TGFBRAP1: variants seen among roughly 807,000 people sequenced by gnomAD.
TGFBRAP1 encodes transforming growth factor-beta receptor-associated protein 1.
TGFBRAP1 carries 20 observed loss-of-function variants against 83.2 expected under a neutral mutation model. That is an observed-to-expected ratio of 0.24 (90% CI 0.17 to 0.35). TGFBRAP1 has a LOEUF of 0.35. Ranked by LOEUF, TGFBRAP1 falls within the 10% of genes least tolerant of loss-of-function variation. The pLI is 1.00. For synonymous variants in TGFBRAP1, 415 were observed against 459.8 expected, an observed-to-expected ratio of 0.90 and a Z score of 1.25; for missense variants, 950 against 1,099.4, an observed-to-expected ratio of 0.86 and a Z score of 1.92.
intron 1 of TGFBRAP1, among the ~76,000 whole-genome samples, chr2:105,308,665 A>G (rs892327373): frequency 1.3e-5 from 2 of 152,134 alleles, no homozygotes; most frequent in Non-Finnish European, 2.9e-5. Flanking sequence ...GCATGCATTC[A>G]CCCACGGGCA....
chr2:105,316,527 C>A (rs1678883910), intron 1 of TGFBRAP1, among the ~76,000 whole-genome samples: 1 of 150,116 alleles, frequency 6.7e-6, no homozygotes. Context: ...ACATGGCAGA[C>A]TGGGAGCAGT....
chr2:105,284,406 G>A lies in TGFBRAP1; in HGVS notation c.1039-8C>T, dbSNP rs770070625. ...AATCCTTCTGTACATTACCTGCAAG[G>A]AAAGACGGGTGTAATCTCTTAGTGA... On this transcript the variant is annotated splice_region_variant and splice_polypyrimidine_tract_variant and intron_variant, in intron 4 of 11. Coordinates refer to ENST00000393359, the MANE Select transcript of TGFBRAP1 (RefSeq NM_004257.6). 7.4e-6 allele frequency: 12 copies of A among 1,613,506 alleles called. No individual in the cohort carries two copies. The highest frequency in any genetic ancestry group is 1.7e-5 in the Admixed American group (1 of 59,982).
At chr2:105,281,899 G>C (rs1677550942) in intron 5 of TGFBRAP1, among the ~76,000 whole-genome samples, 1 of 152,002 alleles carries the variant, frequency 6.6e-6, no homozygotes, top group Non-Finnish European at 1.5e-5. Flanking sequence ...ATGGCATCTA[G>C]TAGGTAGAGG....
chr2:105,275,962 A>G (rs1429297887), intron 7 of TGFBRAP1, among the ~76,000 whole-genome samples: 1 of 152,210 alleles, frequency 6.6e-6, no homozygotes, highest in Non-Finnish European at 1.5e-5. Context: ...TTTTAACAAT[A>G]ACACAGTAAA....
chr2:105,291,775 A>G (rs187021322), intron 4 of TGFBRAP1, among the ~76,000 whole-genome samples: 107 of 152,212 alleles, frequency 7.0e-4, no homozygotes, highest in African/African-American at 2.2e-3. Context: ...GTGCGGAGGG[A>G]ATGGGTGGGC....
chr2:105,312,668 A>G (rs547350870), intron 1 of TGFBRAP1, among the ~76,000 whole-genome samples: 38 of 152,370 alleles, frequency 2.5e-4, no homozygotes, highest in Admixed American at 3.3e-4. Context: ...AAGAATATGC[A>G]CATTGTCATT....
intron 11 of TGFBRAP1, chr2:105,267,904 G>C (rs1415255841): frequency 1.0e-6 from 1 of 983,730 alleles, no homozygotes; most frequent in African/African-American, 1.7e-5. Flanking sequence ...AATGCTGAAT[G>C]AGACCATATA....
intron 1 of TGFBRAP1, among the ~76,000 whole-genome samples, chr2:105,317,775 G>C (rs1413804010): frequency 1.3e-5 from 2 of 152,142 alleles, no homozygotes; most frequent in Admixed American, 6.6e-5. Context: ...GATGATGTGG[G>C]AACTCCTGCA....
Position 105,308,401 on chromosome 2 carries a change from C to T in TGFBRAP1, c.-17-83G>A, listed in dbSNP as rs1184556151. On this transcript the variant is annotated intron_variant, in intron 1 of 11. Transcript: ENST00000393359. The stretch of plus-strand genomic sequence containing the variant: ...GCTGCAATAATGATACGTGGATTCC[C>T]TAGTTGTCATTTTCATTAAAGAAAG... 7 of 1,302,154 alleles carry T rather than the reference C, an allele frequency of 5.4e-6. No homozygotes were observed. The East Asian group carries it at 1.3e-4, about 24-fold the overall frequency. The allele number at this position is 1,302,154 out of a possible 1,614,324, so 80.7% of individuals were successfully genotyped here.
At chr2:105,295,603 G>C (rs1425476953) in intron 4 of TGFBRAP1, among the ~76,000 whole-genome samples, 1 of 152,046 alleles carries the variant, frequency 6.6e-6, no homozygotes, top group Admixed American at 6.5e-5. Flanking sequence ...ACGAGGTCAA[G>C]GGATCGAGAC....
intron 11 of TGFBRAP1, 85 bp from the exon 12 acceptor site, chr2:105,267,644 T>C (rs1244555034): frequency 6.4e-7 from 1 of 1,572,532 alleles, no homozygotes; most frequent in African/African-American, 1.3e-5. Context: ...AGAGTTGACA[T>C]GCATTACTCC....
chr2:105,251,008 A>C, the TGFBRAP1 span, among the ~76,000 whole-genome samples: 19 of 151,658 alleles, frequency 1.3e-4, no homozygotes, highest in African/African-American at 3.1e-4. Context: ...TCGCTACAAC[A>C]TCCACCTCCC....
At chr2:105,285,617 T>C (rs1218583616) in intron 4 of TGFBRAP1, among the ~76,000 whole-genome samples, 1 of 152,212 alleles carries the variant, frequency 6.6e-6, no homozygotes, top group Admixed American at 6.5e-5. Flanking sequence ...GTTGAAATGC[T>C]ATCAACCCTG....
At chr2:105,267,718 G>T in intron 11 of TGFBRAP1, 159 bp from the exon 12 acceptor site, 1 of 985,412 alleles carries the variant, frequency 1.0e-6, no homozygotes, top group Non-Finnish European at 1.2e-6. Flanking sequence ...TGCTAAAGGT[G>T]TAAATAAAAC....
intron 1 of TGFBRAP1, among the ~76,000 whole-genome samples, chr2:105,327,587 C>T (rs576382432): frequency 1.3e-5 from 2 of 151,996 alleles, no homozygotes; most frequent in Non-Finnish European, 1.5e-5. Flanking sequence ...AGCAAAAAAA[C>T]CACCCAGAAG....
chr2:105,325,834 C>T (rs1266858473), intron 1 of TGFBRAP1, among the ~76,000 whole-genome samples: 16 of 152,186 alleles, frequency 1.1e-4, no homozygotes, highest in Admixed American at 9.2e-4. Context: ...TGTTGAATGA[C>T]TCAATCTTGA....
At chr2:105,320,822 A>G (rs1679034170) in intron 1 of TGFBRAP1, among the ~76,000 whole-genome samples, 1 of 152,238 alleles carries the variant, frequency 6.6e-6, no homozygotes, top group Admixed American at 6.5e-5. Context: ...GGATTTCAGT[A>G]AACACTACTC....
chr2:105,307,483 C>T (rs1224081196), intron 2 of TGFBRAP1, 131 bp downstream of exon 2: 2 of 989,136 alleles, frequency 2.0e-6, no homozygotes, highest in Non-Finnish European at 3.0e-6. Context: ...GCACTGCTAC[C>T]TCTGTCTTGC....
intron 4 of TGFBRAP1, among the ~76,000 whole-genome samples, 174 bp downstream of exon 4, chr2:105,296,182 T>C (rs1162163079): frequency 1.3e-5 from 2 of 152,096 alleles, no homozygotes; most frequent in Non-Finnish European, 2.9e-5. Flanking sequence ...TTGACCGCCC[T>C]AAAGCCTGTT....
Sources: allele counts gnomAD v4.1 joint callset (sites outside exome capture counted in the v4.1 genomes callset), GRCh38; gene constraint gnomAD v4.1.1; transcripts MANE v1.5; gene names NCBI Gene and HGNC (gene_info 2026-07-23, HGNC 2026-07-21).